Variants in GRM7 observed in about 807,000 individuals in gnomAD.
The protein encoded by GRM7 is glutamate metabotropic receptor 7.
In GRM7, 35 loss-of-function variants were observed where a neutral mutation model predicts 84.5. The ratio of observed to expected loss-of-function variants is 0.41; its 90% CI spans 0.32 to 0.55. GRM7 has a LOEUF of 0.55. Ranked by LOEUF, GRM7 falls within the 20% of genes least tolerant of loss-of-function variation. GRM7 has a pLI of 0.19. For synonymous variants in GRM7, 487 were observed against 455.1 expected (o/e 1.07, Z -0.89); for missense variants, 1,003 against 1,194.6 (o/e 0.84, Z 2.36).
chr3:7,426,133 T>A (rs1348749236), intron 5 of GRM7, among the ~76,000 whole-genome samples: 1 of 152,108 alleles, frequency 6.6e-6, no homozygotes, highest in East Asian at 1.9e-4. Flanking sequence ...TTTCTTTTTT[T>A]TTTGAGATGG....
intron 8 of GRM7, among the ~76,000 whole-genome samples, chr3:7,619,912 C>T (rs936196094): frequency 2.0e-5 from 3 of 152,134 alleles, no homozygotes; most frequent in Non-Finnish European, 4.4e-5. Context: ...TGGCAAAATA[C>T]TTCTGCAGTC....
intron 4 of GRM7, among the ~76,000 whole-genome samples, chr3:7,321,939 T>G (rs1057232073): frequency 6.6e-6 from 1 of 152,128 alleles, no homozygotes; most frequent in African/African-American, 2.4e-5. Flanking sequence ...GGCCTCCATA[T>G]GTCAACATCA....
At chr3:7,408,246 G>T (rs753514598) in intron 4 of GRM7, among the ~76,000 whole-genome samples, 1 of 152,046 alleles carries the variant, frequency 6.6e-6, no homozygotes, top group Non-Finnish European at 1.5e-5. Context: ...ATGCCCTTCT[G>T]TTTCCCAAGC....
chr3:7,024,036 GCCCACT>G (rs1477685933), intron 1 of GRM7, among the ~76,000 whole-genome samples: 1 of 152,110 alleles, frequency 6.6e-6, no homozygotes, highest in African/African-American at 2.4e-5. Flanking sequence ...AGGGCAGCAG[GCCCACT>G]CCCTTACAGG....
chr3:6,975,235 C>T (rs1423499393), intron 1 of GRM7, among the ~76,000 whole-genome samples: 2 of 152,112 alleles, frequency 1.3e-5, no homozygotes, highest in African/African-American at 4.8e-5. Context: ...AGAAGAGGAA[C>T]TTGGGGTTAA....
chr3:7,618,964 A>T (rs1055224072), intron 8 of GRM7, among the ~76,000 whole-genome samples: 2 of 152,172 alleles, frequency 1.3e-5, no homozygotes, highest in African/African-American at 4.8e-5. Flanking sequence ...GGAGATCAAA[A>T]AAAGAATTTA....
At chr3:6,870,740 G>A (rs1695094422) in intron 1 of GRM7, among the ~76,000 whole-genome samples, 1 of 152,132 alleles carries the variant, frequency 6.6e-6, no homozygotes. Context: ...GGATTTCCAG[G>A]CAGATAGAAT....
intron 8 of GRM7, among the ~76,000 whole-genome samples, chr3:7,651,485 G>T (rs1358438353): frequency 6.6e-6 from 1 of 152,152 alleles, no homozygotes; most frequent in African/African-American, 2.4e-5. Flanking sequence ...TAGAACTCGG[G>T]CAAACTGGCA....
chr3:7,298,697 T>C lies in GRM7; in HGVS notation c.750T>C (p.Ile250=), dbSNP rs761362516. The change falls in exon 3 of 10, where the codon ATT becomes ATC. Residue 250 remains isoleucine, a synonymous_variant. Coordinates refer to ENST00000357716, the MANE Select transcript of GRM7 (RefSeq NM_000844.4). ...QISKEAGGLC[I]AQSVRIPQER... ...TCTCTTAAACAGGTGGACTCTGCAT[T>C]GCCCAGTCCGTGAGAATCCCCCAGG... 1.2e-6 allele frequency: 2 copies of C among 1,613,482 alleles called. No individual in the cohort carries two copies. Among genetic ancestry groups the C allele is most frequent in the Admixed American group, 3.3e-5 (2 of 59,984 alleles).
At chr3:7,372,165 CAACT>C (rs1694165024) in intron 4 of GRM7, among the ~76,000 whole-genome samples, 4 of 152,010 alleles carry the variant, frequency 2.6e-5, no homozygotes, top group Admixed American at 2.6e-4. Context: ...GAGCTCCTGC[CAACT>C]AGTTAAGAAA....
At chr3:7,030,541 A>C (rs1696150394) in intron 1 of GRM7, among the ~76,000 whole-genome samples, 1 of 152,208 alleles carries the variant, frequency 6.6e-6, no homozygotes, top group South Asian at 2.1e-4. Flanking sequence ...GTACCAATGC[A>C]ACAATATCTA....
chr3:7,458,165 A>T (rs1698097780), intron 6 of GRM7, among the ~76,000 whole-genome samples: 1 of 152,190 alleles, frequency 6.6e-6, no homozygotes, highest in Non-Finnish European at 1.5e-5. Context: ...AAGAAGAAAG[A>T]AACTCAGATA....
At chr3:7,155,987 A>G (rs1217999769) in intron 2 of GRM7, among the ~76,000 whole-genome samples, 1 of 152,182 alleles carries the variant, frequency 6.6e-6, no homozygotes, top group Non-Finnish European at 1.5e-5. Flanking sequence ...GTATTATTCC[A>G]TTGCATTAAT....
chr3:7,301,112 T>C (rs931315804), intron 3 of GRM7, among the ~76,000 whole-genome samples: 10 of 152,194 alleles, frequency 6.6e-5, no homozygotes, highest in Non-Finnish European at 1.5e-4. Flanking sequence ...GCATAACTCT[T>C]ATCCTCCGAT....
At chr3:7,708,055 TG>T in intron 9 of GRM7, among the ~76,000 whole-genome samples, 1 of 151,960 alleles carries the variant, frequency 6.6e-6, no homozygotes, top group East Asian at 1.9e-4. Flanking sequence ...ACACTCATCT[TG>T]GTTAATTTCC....
intron 4 of GRM7, among the ~76,000 whole-genome samples, chr3:7,379,393 T>C (rs1694493994): frequency 6.6e-6 from 1 of 152,058 alleles, no homozygotes; most frequent in African/African-American, 2.4e-5. Flanking sequence ...ATGCCCAGAC[T>C]CTTCTGTGAA....
chr3:7,477,081 G>A (rs1340882827), intron 7 of GRM7, among the ~76,000 whole-genome samples: 1 of 152,182 alleles, frequency 6.6e-6, no homozygotes, highest in African/African-American at 2.4e-5. Context: ...ACTGATGCTT[G>A]AAAATGAAAA....
chr3:7,392,175 C>T (rs1695028496), intron 4 of GRM7, among the ~76,000 whole-genome samples: 1 of 152,184 alleles, frequency 6.6e-6, no homozygotes, highest in South Asian at 2.1e-4. Flanking sequence ...CTGGTGGGCA[C>T]TGTCCCCCAA....
chr3:7,081,165 A>C (rs1001596666), intron 1 of GRM7, among the ~76,000 whole-genome samples: 4 of 152,040 alleles, frequency 2.6e-5, no homozygotes, highest in African/African-American at 4.8e-5. Context: ...ATTATGCCTC[A>C]CGTTATTGCA....
Sources: allele counts gnomAD v4.1 joint callset (sites outside exome capture counted in the v4.1 genomes callset), GRCh38; gene constraint gnomAD v4.1.1; transcripts MANE v1.5; gene names NCBI Gene and HGNC (gene_info 2026-07-23, HGNC 2026-07-21).